NSUN4: variants seen among roughly 807,000 people sequenced by gnomAD.
NSUN4 encodes the protein NOP2/Sun RNA methyltransferase 4, also known as 5-cytosine rRNA methyltransferase NSUN4.
Under a neutral mutation model 43.8 loss-of-function variants are expected in NSUN4, and 31 were observed. That is an observed-to-expected ratio of 0.71 (90% CI 0.53 to 0.96). NSUN4 has a LOEUF of 0.96. Among genes scored for constraint, NSUN4 ranks in the 40% least tolerant of loss-of-function variants. NSUN4 has a pLI of 0.00. For synonymous variants in NSUN4, 167 were observed against 184.1 expected, an observed-to-expected ratio of 0.91 and a Z score of 0.75; for missense variants, 439 against 475.6, an observed-to-expected ratio of 0.92 and a Z score of 0.72.
chr1:46,346,898 TAAAGTGG>T lies in NSUN4; in HGVS notation c.438-22_438-16del. The T allele has an allele frequency of 6.2e-7, 1 of 1,605,308 alleles. No individual in the cohort carries two copies. The highest frequency in any genetic ancestry group is 8.5e-7 in the Non-Finnish European group (1 of 1,175,062). ...GGTGTCCTGACCTGGAATTTAACAA[TAAAGTGG>T]TCTCCTCTTTTCCAGACCTGGCAGC... On this transcript the variant is annotated splice_polypyrimidine_tract_variant and intron_variant, in intron 2 of 5. Transcript: ENST00000474844.
chr1:46,341,797 C>T, intron 1 of NSUN4: 1 of 1,232,582 alleles, frequency 8.1e-7, no homozygotes, highest in East Asian at 3.2e-5. Flanking sequence ...GGGTCACCCC[C>T]TCTCTGTCAG....
Position 46,344,963 on chromosome 1 carries a change from G to T in NSUN4, c.256G>T (p.Val86Leu), listed in dbSNP as rs1662380268. The change falls in exon 2 of 6, where the codon GTA (valine) becomes TTA (leucine). Residue 86 changes from valine (V) to leucine (L), a missense_variant. Transcript: ENST00000474844. ...CAATAACTTTGCTGCCTGGGATCAT[G>T]TAAGTGCTAAGCTGGAGCAGCTGAG... ...LVNNFAAWDH[V>L]SAKLEQLSAK... 3 of 1,614,232 alleles carry T rather than the reference G, an allele frequency of 1.9e-6. No individual in the cohort carries two copies. Among genetic ancestry groups the T allele is most frequent in the East Asian group, 2.2e-5 (1 of 44,888 alleles).
chr1:46,367,319 G>T (rs989672684), downstream of NSUN4, among the ~76,000 whole-genome samples: 1 of 152,248 alleles, frequency 6.6e-6, no homozygotes, highest in East Asian at 1.9e-4. Flanking sequence ...ACTGTATATC[G>T]AACGTACCTG....
At chr1:46,355,836 G>A (rs761447335) in intron 4 of NSUN4, among the ~76,000 whole-genome samples, 65 of 152,058 alleles carry the variant, frequency 4.3e-4, no homozygotes, top group Admixed American at 3.6e-3. Context: ...CCAACGTGGT[G>A]AAACCCCGTC....
intron 4 of NSUN4, among the ~76,000 whole-genome samples, chr1:46,353,975 TAATG>T (rs1167469925): frequency 6.6e-6 from 1 of 152,240 alleles, no homozygotes; most frequent in African/African-American, 2.4e-5. Context: ...CTCCTACTGG[TAATG>T]AATGAGTACT....
chr1:46,382,606 C>CTT, the NSUN4 span, among the ~76,000 whole-genome samples: 31,063 of 142,218 alleles, frequency 0.22, 3,795 homozygotes, highest in Non-Finnish European at 0.29. Context: ...AAAAATGCTT[C>CTT]TTTTTTTTTT....
At chr1:46,353,166 G>A in intron 4 of NSUN4, 138 bp downstream of exon 4, 1 of 662,472 alleles carries the variant, frequency 1.5e-6, no homozygotes, top group Non-Finnish European at 2.5e-6. Context: ...TTCTACATTG[G>A]TGATTTGACC....
the NSUN4 span, among the ~76,000 whole-genome samples, chr1:46,373,926 G>A: frequency 6.6e-6 from 1 of 151,838 alleles, no homozygotes; most frequent in East Asian, 1.9e-4. Context: ...TAAGGCGTTG[G>A]GGGATGGGGA....
At chr1:46,350,541 A>G (rs1237696705) in intron 3 of NSUN4, among the ~76,000 whole-genome samples, 1 of 152,180 alleles carries the variant, frequency 6.6e-6, no homozygotes, top group Non-Finnish European at 1.5e-5. Flanking sequence ...CAAGCTTGCA[A>G]TATTTTTCTC....
the NSUN4 span, among the ~76,000 whole-genome samples, chr1:46,382,632 C>T: frequency 2.7e-5 from 4 of 148,220 alleles, no homozygotes; most frequent in African/African-American, 5.0e-5. Context: ...GAGACAGTCT[C>T]ACTCTGTTGC....
chr1:46,352,871 A>G lies in NSUN4; in HGVS notation c.596A>G (p.Asn199Ser). ...LALLQTGCCR[N>S]LAANDLSPSR... Reference sequence around the variant, plus strand: ...TGAAGTATCTTTATTTCCATAGGCAATCTTGCTGCCAATGATCTCTCCCCG... The same window carrying G: ...TGAAGTATCTTTATTTCCATAGGCAGTCTTGCTGCCAATGATCTCTCCCCG... The change falls in exon 4 of 6, where the codon AAT becomes AGT. Residue 199 changes from asparagine (N) to serine (S), a missense_variant. Transcript: ENST00000474844. 2 of 1,614,000 alleles carry G rather than the reference A, an allele frequency of 1.2e-6. No homozygotes were observed. Among genetic ancestry groups the G allele is most frequent in the Non-Finnish European group, 1.7e-6 (2 of 1,179,898 alleles).
At chr1:46,382,544 C>T in the NSUN4 span, among the ~76,000 whole-genome samples, 1 of 151,816 alleles carries the variant, frequency 6.6e-6, no homozygotes, top group Non-Finnish European at 1.5e-5. Context: ...CTATGGGACA[C>T]AAGTTATTTA....
the NSUN4 span, among the ~76,000 whole-genome samples, chr1:46,381,034 CACA>C: frequency 6.6e-6 from 1 of 152,102 alleles, no homozygotes; most frequent in South Asian, 2.1e-4. Flanking sequence ...CAGAGAGTCA[CACA>C]ACAAGGATGG....
intron 3 of NSUN4, among the ~76,000 whole-genome samples, chr1:46,349,281 G>A (rs56076503): frequency 0.22 from 33,918 of 151,256 alleles, 4,242 homozygotes; most frequent in Non-Finnish European, 0.29. Context: ...CTGGGACCAC[G>A]GGCACCCGCC....
At position 46,352,983 on chromosome 1, in the gene NSUN4, G is replaced by C; in HGVS notation, c.708G>C (p.Trp236Cys). 1 of 1,614,160 alleles carries C rather than the reference G, an allele frequency of 6.2e-7. No homozygotes were observed. The highest frequency in any genetic ancestry group is 8.5e-7 in the Non-Finnish European group (1 of 1,180,004). The change falls in exon 4 of 6, where the codon TGG becomes TGC. Residue 236 changes from tryptophan to cysteine, a missense_variant. By Grantham distance (215) the Trp-to-Cys change is radical (BLOSUM62 -2). Transcript: ENST00000474844. ...RDGNQVRVTS[W>C]DGRKWGELEG... ...GAAATCAAGTTCGAGTTACCTCATGGGATGGCAGGAAATGGGGAGAACTGG... is the reference window on the plus strand; with the variant it reads ...GAAATCAAGTTCGAGTTACCTCATGCGATGGCAGGAAATGGGGAGAACTGG...
At chr1:46,343,474 G>A (rs1189876895) in intron 1 of NSUN4, 3 of 399,598 alleles carry the variant, frequency 7.5e-6, no homozygotes, top group Non-Finnish European at 1.3e-5. Context: ...GATTCCAGCT[G>A]TAGCACCAAT....
At chr1:46,374,593 A>G in the NSUN4 span, among the ~76,000 whole-genome samples, 1 of 152,002 alleles carries the variant, frequency 6.6e-6, no homozygotes, top group East Asian at 1.9e-4. Context: ...TGGACAACAG[A>G]GGGAGACTCT....
chr1:46,343,357 A>C (rs2148361313), intron 1 of NSUN4: 1 of 399,850 alleles, frequency 2.5e-6, no homozygotes, highest in Admixed American at 4.4e-5. Context: ...GTCCGGGCCT[A>C]CCCTGATACT....
chr1:46,360,121 C>T (rs894133410), intron 4 of NSUN4, among the ~76,000 whole-genome samples: 1 of 147,262 alleles, frequency 6.8e-6, no homozygotes, highest in South Asian at 2.2e-4. Flanking sequence ...CCCAGCTACT[C>T]GGGAGGCTGA....
Sources: allele counts gnomAD v4.1 joint callset (sites outside exome capture counted in the v4.1 genomes callset), GRCh38; gene constraint gnomAD v4.1.1; transcripts MANE v1.5; gene names NCBI Gene and HGNC (gene_info 2026-07-23, HGNC 2026-07-21).